Variants in TYROBP observed in about 807,000 individuals in gnomAD.
TYROBP encodes the protein TYRO protein tyrosine kinase-binding protein.
TYROBP carries 14 observed loss-of-function variants against 17.1 expected under a neutral mutation model. The observed-to-expected ratio is 0.82, with a 90% CI of 0.54 to 1.28. The LOEUF is 1.28. Ranked by LOEUF, TYROBP falls within the 50% of genes most tolerant of loss-of-function variation. The pLI is 0.00. For synonymous variants in TYROBP, 73 were observed against 67.4 expected (o/e 1.08, Z -0.41); for missense variants, 161 against 151.4 (o/e 1.06, Z -0.33).
At chr19:35,907,112 C>T (rs1009644992) in intron 4 of TYROBP, 106 bp downstream of exon 4, 40 of 1,162,076 alleles carry the variant, frequency 3.4e-5, no homozygotes, top group Admixed American at 3.4e-4. Context: ...TTTGGGGGTG[C>T]TTTAGGCAGA....
In TYROBP at chr19:35,908,216, C is replaced by G. The variant is rs148335315; in HGVS notation, c.13G>C (p.Glu5Gln). Residue 5 changes from glutamate (E) to glutamine (Q), a missense_variant, in exon 1 of 5, where the codon GAA becomes CAA. Physicochemically the swap from Glu to Gln is conservative, Grantham distance 29. Coordinates refer to ENST00000262629, the MANE Select transcript of TYROBP (RefSeq NM_003332.4). MGGL[E>Q]PCSRLLLLPL... ...AGGAGCAGGAGCCTGCTGCAGGGTT[C>G]AAGTCCCCCCATGAAGCCGGATGCT... 48 of 1,613,866 alleles carry G rather than the reference C, an allele frequency of 3.0e-5. No homozygotes were observed. The highest frequency in any genetic ancestry group is 3.9e-5 in the Non-Finnish European group (46 of 1,179,994).
At position 35,904,539 on chromosome 19, in the gene TYROBP, TATC is replaced by T; in HGVS notation, c.*27_*29del. 6.2e-7 allele frequency: 1 copy of T among 1,608,808 alleles called. No homozygotes were observed. Among genetic ancestry groups the T allele is most frequent in the Non-Finnish European group, 8.5e-7 (1 of 1,176,226 alleles). Reference sequence around the variant, plus strand: ...GGCTTCAGGAATGGCTGGATCCAGGTATCATGTTGCTGACTGTCATGATTCGGG... The same window carrying T: ...GGCTTCAGGAATGGCTGGATCCAGGTATGTTGCTGACTGTCATGATTCGGG... On this transcript the variant is annotated 3_prime_UTR_variant, in exon 5 of 5. Transcript: ENST00000262629.
chr19:35,906,321 C>T (rs1975724221), intron 4 of TYROBP, among the ~76,000 whole-genome samples: 1 of 152,014 alleles, frequency 6.6e-6, no homozygotes, highest in Admixed American at 6.6e-5. Flanking sequence ...GAACTCCTGA[C>T]CTCGTGATCC....
chr19:35,907,612 G>A (rs1424067148), intron 2 of TYROBP, 32 bp from the exon 3 acceptor site: 2 of 1,614,020 alleles, frequency 1.2e-6, no homozygotes, highest in East Asian at 2.2e-5. Context: ...AGGTCAGTGT[G>A]TGCTGGGAAC....
Position 35,904,518 on chromosome 19 carries a change from T to G in TYROBP, c.*51A>C. The G allele has an allele frequency of 6.3e-7, 1 of 1,592,984 alleles. No individual in the cohort carries two copies. Among genetic ancestry groups the G allele is most frequent in the Non-Finnish European group, 8.6e-7 (1 of 1,164,268 alleles). Reference sequence around the variant, plus strand: ...GTTGGAATGAGGTGCAGGGTGGGCTTCAGGAATGGCTGGATCCAGGTATCA... The same window carrying G: ...GTTGGAATGAGGTGCAGGGTGGGCTGCAGGAATGGCTGGATCCAGGTATCA... On this transcript the variant is annotated 3_prime_UTR_variant, in exon 5 of 5. Coordinates refer to ENST00000262629, the MANE Select transcript of TYROBP (RefSeq NM_003332.4).
At position 35,904,825 on chromosome 19, in the gene TYROBP, C is replaced by T. The variant is rs56212006; in HGVS notation, c.277-191G>A. Among the ~76,000 whole-genome samples the T allele has an allele frequency of 0.024, 3,703 of 152,128 alleles. 151 individuals carry two copies. The highest frequency in any genetic ancestry group is 0.083 in the African/African-American group (3,422 of 41,470). On this transcript the variant is annotated intron_variant, in intron 4 of 4. Coordinates refer to ENST00000262629, the MANE Select transcript of TYROBP (RefSeq NM_003332.4). ...GTGTGCCCCAGCCTCAGGGTCCCTG[C>T]GTGTGCTGTTTCCTCTGCCTAAAAC...
chr19:35,908,128 C>T (rs751429558), intron 1 of TYROBP, 40 bp downstream of exon 1: 7 of 1,592,914 alleles, frequency 4.4e-6, no homozygotes, highest in Non-Finnish European at 5.2e-6. Context: ...CAAGCTGAGC[C>T]CAGGGACCCG....
intron 4 of TYROBP, among the ~76,000 whole-genome samples, chr19:35,905,626 A>G (rs1975701679): frequency 6.6e-6 from 1 of 151,614 alleles, no homozygotes; most frequent in Non-Finnish European, 1.5e-5. Context: ...CAGCCTGGGC[A>G]ACATAGTGAG....
intron 4 of TYROBP, among the ~76,000 whole-genome samples, chr19:35,905,607 G>A (rs1047446600): frequency 6.6e-6 from 1 of 151,000 alleles, no homozygotes; most frequent in Non-Finnish European, 1.5e-5. Flanking sequence ...GAGCCCAGGA[G>A]TTTGAGACCA....
At chr19:35,906,240 G>C (rs192987338) in intron 4 of TYROBP, among the ~76,000 whole-genome samples, 2,526 of 151,728 alleles carry the variant, frequency 0.017, 38 homozygotes, top group South Asian at 0.025. Flanking sequence ...ACAGGCGCAT[G>C]ACACCATGCC....
chr19:35,904,772 A>G (rs565640667), intron 4 of TYROBP, 138 bp from the exon 5 acceptor site: 504 of 764,876 alleles, frequency 6.6e-4, no homozygotes, highest in Admixed American at 1.1e-3. Flanking sequence ...AGTACATTCA[A>G]TGTTCCCCCT....
intron 4 of TYROBP, among the ~76,000 whole-genome samples, chr19:35,905,846 G>C (rs946471106): frequency 7.3e-5 from 11 of 151,360 alleles, no homozygotes; most frequent in Middle Eastern, 3.2e-3. Context: ...CCAGCTACTC[G>C]GGAGGCTCAG....
At chr19:35,905,835 T>C (rs529603250) in intron 4 of TYROBP, among the ~76,000 whole-genome samples, 141 of 151,126 alleles carry the variant, frequency 9.3e-4, no homozygotes, top group African/African-American at 3.3e-3. Context: ...CACCTGTAGT[T>C]CCAGCTACTC....
chr19:35,907,104 TG>T, intron 4 of TYROBP, 113 bp downstream of exon 4: 2 of 1,038,336 alleles, frequency 1.9e-6, no homozygotes, highest in East Asian at 2.6e-5. Context: ...CTTCAAGGTT[TG>T]GGGGTGCTTT....
intron 4 of TYROBP, among the ~76,000 whole-genome samples, chr19:35,906,734 C>CTTT (rs61149773): frequency 6.2e-4 from 89 of 142,556 alleles, no homozygotes; most frequent in Admixed American, 1.8e-3. Context: ...ACTCTTCACG[C>CTTT]TTTTTTTTTT....
intron 3 of TYROBP, 56 bp downstream of exon 3, chr19:35,907,390 G>GCCCCCCCC: frequency 7.0e-7 from 1 of 1,425,270 alleles, no homozygotes; most frequent in Non-Finnish European, 9.9e-7. Context: ...AGTTTACCCA[G>GCCCCCCCC]CCCCCCACCC....
intron 4 of TYROBP, among the ~76,000 whole-genome samples, chr19:35,906,301 G>A (rs904940923): frequency 6.6e-6 from 1 of 152,010 alleles, no homozygotes; most frequent in Admixed American, 6.6e-5. Context: ...ATCCTGGCCT[G>A]GCTGGTCTTG....
At chr19:35,907,660 G>A in intron 2 of TYROBP, 70 bp downstream of exon 2, 1 of 1,613,114 alleles carries the variant, frequency 6.2e-7, no homozygotes, top group Admixed American at 1.7e-5. Flanking sequence ...GGTTTGGAAA[G>A]GGTGTGGGAG....
At chr19:35,907,299 G>A in intron 3 of TYROBP, 35 bp from the exon 4 acceptor site, 1 of 1,612,384 alleles carries the variant, frequency 6.2e-7, no homozygotes. Context: ...TGCAGAGACA[G>A]GCAGAGTGGT....
Sources: gnomAD v4.1 joint callset for allele counts (sites outside exome capture counted in the v4.1 genomes callset) on GRCh38, gnomAD v4.1.1 for gene constraint, MANE v1.5 for transcripts, NCBI Gene and HGNC (gene_info 2026-07-23, HGNC 2026-07-21) for gene names.